Variants in EPHA6 observed in about 807,000 individuals in gnomAD.
EPHA6 encodes ephrin type-A receptor 6.
In EPHA6, 50 loss-of-function variants were observed where a neutral mutation model predicts 112.0. The observed-to-expected ratio is 0.45, with a 90% CI of 0.36 to 0.56. EPHA6 has a LOEUF of 0.56. Ranked by LOEUF, EPHA6 falls within the 20% of genes least tolerant of loss-of-function variation. The pLI, the probability that EPHA6 is intolerant of heterozygous loss-of-function variation, is 0.00. For synonymous variants in EPHA6, 529 were observed against 490.7 expected (o/e 1.08, Z -1.03); for missense variants, 1,280 against 1,417.4 (o/e 0.90, Z 1.56).
Position 97,754,806 on chromosome 3 carries a change from C to G in EPHA6, c.*6105C>G, listed in dbSNP as rs2035986195. On this transcript the variant is annotated 3_prime_UTR_variant, in exon 18 of 18. Coordinates refer to ENST00000389672, the MANE Select transcript of EPHA6 (RefSeq NM_001080448.3). Reference sequence around the variant, plus strand: ...GCTAACTCCGCCTCCCGGGTTCACGCCATTCTCCTGCCTCAGTCTCCAGAG... The same window carrying G: ...GCTAACTCCGCCTCCCGGGTTCACGGCATTCTCCTGCCTCAGTCTCCAGAG... Among the ~76,000 whole-genome samples, 1 of 152,174 alleles carries G rather than the reference C, an allele frequency of 6.6e-6. No homozygotes were observed. The highest frequency in any genetic ancestry group is 2.4e-5 in the African/African-American group (1 of 41,448).
intron 2 of EPHA6, among the ~76,000 whole-genome samples, chr3:96,929,050 T>A (rs1559839802): frequency 1.3e-5 from 2 of 152,154 alleles, no homozygotes; most frequent in African/African-American, 2.4e-5. Context: ...AACATATCAA[T>A]GGGTCTTGGC....
intron 3 of EPHA6, among the ~76,000 whole-genome samples, chr3:97,002,911 T>C (rs2043721823): frequency 6.6e-6 from 1 of 152,110 alleles, no homozygotes; most frequent in Non-Finnish European, 1.5e-5. Context: ...AAGATAAATA[T>C]TCATCAATGT....
intron 3 of EPHA6, among the ~76,000 whole-genome samples, chr3:96,998,380 CATT>C (rs2043503171): frequency 1.3e-5 from 2 of 151,918 alleles, no homozygotes; most frequent in South Asian, 2.1e-4. Context: ...TTTTGTCTAT[CATT>C]ATCTCCTTTC....
chr3:97,138,307 C>T (rs961435682), intron 3 of EPHA6, among the ~76,000 whole-genome samples: 1 of 152,184 alleles, frequency 6.6e-6, no homozygotes, highest in Non-Finnish European at 1.5e-5. Context: ...GGGAGCCCAT[C>T]CCCCAAGGCT....
At chr3:97,162,973 G>T (rs1559766321) in intron 3 of EPHA6, among the ~76,000 whole-genome samples, 1 of 152,068 alleles carries the variant, frequency 6.6e-6, no homozygotes, top group Non-Finnish European at 1.5e-5. Flanking sequence ...GCCTTTGGTG[G>T]TTGAGTGCTG....
At chr3:97,226,522 A>T in intron 4 of EPHA6, 103 bp downstream of exon 4, 1 of 1,068,112 alleles carries the variant, frequency 9.4e-7, no homozygotes, top group Non-Finnish European at 1.3e-6. Flanking sequence ...TTGCATTATC[A>T]ATGCCATTTG....
intron 2 of EPHA6, among the ~76,000 whole-genome samples, chr3:96,950,430 A>G (rs903993195): frequency 6.6e-6 from 1 of 152,156 alleles, no homozygotes; most frequent in Non-Finnish European, 1.5e-5. Flanking sequence ...GTTCTGAAAG[A>G]TACTGAGTTG....
chr3:97,110,884 C>T (rs1231949674), intron 3 of EPHA6, among the ~76,000 whole-genome samples: 3 of 151,894 alleles, frequency 2.0e-5, no homozygotes. Context: ...GTGACTTGCT[C>T]AGAATTTTAC....
At chr3:97,138,857 G>A (rs949842604) in intron 3 of EPHA6, among the ~76,000 whole-genome samples, 2 of 152,210 alleles carry the variant, frequency 1.3e-5, no homozygotes, top group Admixed American at 1.3e-4. Flanking sequence ...GGATCAAAAG[G>A]TGGACTGCTT....
chr3:97,130,023 T>C (rs1017731186), intron 3 of EPHA6, among the ~76,000 whole-genome samples: 4 of 152,254 alleles, frequency 2.6e-5, no homozygotes, highest in Non-Finnish European at 5.9e-5. Flanking sequence ...GGAATAGTCT[T>C]TGTCAGTACA....
intron 3 of EPHA6, among the ~76,000 whole-genome samples, chr3:97,128,951 G>T (rs1332767907): frequency 7.1e-6 from 1 of 140,978 alleles, no homozygotes; most frequent in African/African-American, 2.7e-5. Context: ...TCAGCTCTCT[G>T]CATCCCCTGC....
At chr3:97,498,879 T>C (rs1382732930) in intron 10 of EPHA6, among the ~76,000 whole-genome samples, 2 of 152,190 alleles carry the variant, frequency 1.3e-5, no homozygotes, top group East Asian at 3.8e-4. Flanking sequence ...GCGGAAAAAT[T>C]GTCTTCCATG....
chr3:97,747,728 C>T (rs1430645362), intron 17 of EPHA6, among the ~76,000 whole-genome samples, 156 bp downstream of exon 17: 1 of 152,032 alleles, frequency 6.6e-6, no homozygotes, highest in African/African-American at 2.4e-5. Flanking sequence ...TTGGACATTA[C>T]ACTTTTAGCT....
chr3:97,128,872 CTTTT>C (rs377407255), intron 3 of EPHA6, among the ~76,000 whole-genome samples: 3 of 117,522 alleles, frequency 2.6e-5, no homozygotes, highest in Non-Finnish European at 3.5e-5. Context: ...ATTTTTATGT[CTTTT>C]TTTTTTTTTT....
At chr3:96,857,522 A>C (rs772520333) in intron 1 of EPHA6, among the ~76,000 whole-genome samples, 1 of 151,288 alleles carries the variant, frequency 6.6e-6, no homozygotes, top group Non-Finnish European at 1.5e-5. Context: ...TTGGCATCAC[A>C]TTCACTGTGA....
chr3:97,235,367 G>A (rs904235599), intron 4 of EPHA6, among the ~76,000 whole-genome samples: 28 of 152,002 alleles, frequency 1.8e-4, no homozygotes, highest in Non-Finnish European at 2.5e-4. Context: ...CCTAGCTTTT[G>A]TTTCTGTGTC....
intron 2 of EPHA6, among the ~76,000 whole-genome samples, chr3:96,877,856 A>C (rs1195111626): frequency 1.3e-5 from 2 of 151,620 alleles, no homozygotes; most frequent in Non-Finnish European, 2.9e-5. Context: ...AAATTAAAGA[A>C]GTCTTTCATC....
intron 1 of EPHA6, among the ~76,000 whole-genome samples, chr3:96,834,112 C>A (rs967657277): frequency 2.0e-5 from 3 of 151,916 alleles, no homozygotes; most frequent in African/African-American, 7.2e-5. Flanking sequence ...TGGAGGAAGA[C>A]TAAAAGAAAA....
intron 3 of EPHA6, among the ~76,000 whole-genome samples, chr3:97,114,586 A>G (rs1322587481): frequency 1.3e-5 from 2 of 152,042 alleles, no homozygotes; most frequent in Non-Finnish European, 2.9e-5. Context: ...TTCAGTAAAT[A>G]TAAAAGAGGA....
Sources: gnomAD v4.1 joint callset for allele counts (sites outside exome capture counted in the v4.1 genomes callset) on GRCh38, gnomAD v4.1.1 for gene constraint, MANE v1.5 for transcripts, NCBI Gene and HGNC (gene_info 2026-07-23, HGNC 2026-07-21) for gene names.